The following ESR2 variants were observed in gnomAD, a reference collection of about 807,000 sequenced individuals.
ESR2 encodes the protein estrogen receptor 2.
A neutral mutation model predicts 49.6 loss-of-function variants in ESR2; 36 were observed. The observed-to-expected ratio is 0.73, with a 90% CI of 0.56 to 0.96. ESR2 has a LOEUF of 0.96. Among genes scored for constraint, ESR2 ranks in the 40% least tolerant of loss-of-function variants. The probability of loss-of-function intolerance (pLI) is 0.00; values close to 1 mark genes in which losing one functional copy is unlikely to be tolerated. For synonymous variants in ESR2, 320 were observed against 266.1 expected (o/e 1.20, Z -1.97); for missense variants, 714 against 693.0 (o/e 1.03, Z -0.34).
chr14:64,239,778 T>C (rs2075681752), intron 7 of ESR2, among the ~76,000 whole-genome samples: 1 of 152,212 alleles, frequency 6.6e-6, no homozygotes, highest in South Asian at 2.1e-4. Flanking sequence ...CTAAGTATGA[T>C]ACAGGAATTC....
intron 7 of ESR2, among the ~76,000 whole-genome samples, chr14:64,241,019 G>A (rs988904230): frequency 6.6e-5 from 10 of 151,850 alleles, no homozygotes; most frequent in South Asian, 2.1e-4. Context: ...GATGGTGGGC[G>A]CCTGTAGTCC....
Position 64,231,771 on chromosome 14 carries a change from C to T in ESR2, c.*1366G>A, listed in dbSNP as rs1165416434. 1 of 152,132 alleles carries T rather than the reference C, an allele frequency of 6.6e-6. No homozygotes were observed. The highest frequency in any genetic ancestry group is 2.4e-5 in the African/African-American group (1 of 41,408). 9.4% of individuals were successfully genotyped at this position (152,132 alleles called of 1,614,324 possible). On this transcript the variant is annotated 3_prime_UTR_variant, in exon 9 of 9. Coordinates refer to ENST00000341099, the MANE Select transcript of ESR2 (RefSeq NM_001437.3). ...ACATGATTATTTAATTGCTGGCTTC[C>T]ATAGTATGCTGTTACTCATTTTACA...
intron 1 of ESR2, among the ~76,000 whole-genome samples, chr14:64,299,975 C>A (rs1269042239): frequency 6.6e-6 from 1 of 152,172 alleles, no homozygotes; most frequent in Non-Finnish European, 1.5e-5. Flanking sequence ...GTTTAGCTAA[C>A]TAGCTTCTTA....
At chr14:64,242,445 A>AAC (rs2075751202) in intron 7 of ESR2, among the ~76,000 whole-genome samples, 1 of 80,552 alleles carries the variant, frequency 1.2e-5, no homozygotes, top group African/African-American at 3.7e-5. Context: ...ACAAACAAAC[A>AAC]AAAAAAATAT....
intron 1 of ESR2, among the ~76,000 whole-genome samples, chr14:64,322,254 T>G (rs1402976403): frequency 6.6e-6 from 1 of 152,144 alleles, no homozygotes; most frequent in Non-Finnish European, 1.5e-5. Context: ...AGACAGGGTT[T>G]TGCCATCTTG....
At chr14:64,284,692 C>T (rs1228446443) in intron 1 of ESR2, among the ~76,000 whole-genome samples, 1 of 152,130 alleles carries the variant, frequency 6.6e-6, no homozygotes, top group Non-Finnish European at 1.5e-5. Flanking sequence ...CACTCATTTC[C>T]TATTTGTGTT....
At chr14:64,236,352 T>C (rs1471638311) in intron 7 of ESR2, among the ~76,000 whole-genome samples, 1 of 151,972 alleles carries the variant, frequency 6.6e-6, no homozygotes, top group Non-Finnish European at 1.5e-5. Flanking sequence ...TCTTCCAGAA[T>C]CCCCCCACAG....
At chr14:64,274,478 C>T (rs539842519) in intron 3 of ESR2, among the ~76,000 whole-genome samples, 10 of 151,726 alleles carry the variant, frequency 6.6e-5, no homozygotes, top group South Asian at 2.1e-4. Flanking sequence ...TGATTTTATT[C>T]GACTCTTCTA....
intron 3 of ESR2, among the ~76,000 whole-genome samples, chr14:64,274,036 C>G (rs1051570176): frequency 5.9e-5 from 9 of 151,300 alleles, no homozygotes; most frequent in African/African-American, 2.2e-4. Context: ...ACTTCCCGGT[C>G]CCAAGCTATC....
rs150379331 is a variant in ESR2, at chr14:64,325,504, G to A, written c.-91+12394C>T. 5.6e-3 allele frequency among the ~76,000 whole-genome samples: 858 copies of A among 152,290 alleles called. 10 individuals carry two copies. Among genetic ancestry groups the A allele is most frequent in the African/African-American group, 0.02 (830 of 41,568 alleles). ...TAGGATGTGATGTGAGAGATATAGT[G>A]AGAAAAGTTAAGAAAATGAAGGTGT... On this transcript the variant is annotated intron_variant, in intron 1 of 8. Coordinates refer to the ESR2 transcript ENST00000358599.
intron 1 of ESR2, among the ~76,000 whole-genome samples, chr14:64,292,483 A>AT (rs532001863): frequency 3.9e-5 from 6 of 152,268 alleles, no homozygotes; most frequent in Admixed American, 1.3e-4. Context: ...CTGTAGCCTA[A>AT]TTTTTTTAAA....
chr14:64,261,024 G>A (rs1363010193), intron 4 of ESR2, among the ~76,000 whole-genome samples: 2 of 151,678 alleles, frequency 1.3e-5, no homozygotes, highest in Non-Finnish European at 2.9e-5. Context: ...AGAAAAATGG[G>A]GATATTTCCA....
At chr14:64,283,791 C>CAA (rs1490892529) in intron 1 of ESR2, among the ~76,000 whole-genome samples, 2 of 61,518 alleles carry the variant, frequency 3.3e-5, no homozygotes, top group Non-Finnish European at 5.6e-5. Flanking sequence ...TTACCATTTC[C>CAA]GAAAAAAGTT....
chr14:64,325,980 A>T (rs2077384922), intron 1 of ESR2, among the ~76,000 whole-genome samples: 1 of 144,150 alleles, frequency 6.9e-6, no homozygotes, highest in Non-Finnish European at 1.5e-5. Context: ...TTATACACAG[A>T]TTTTTTTTTT....
At chr14:64,305,249 C>T (rs1596477213) in intron 1 of ESR2, among the ~76,000 whole-genome samples, 3 of 146,084 alleles carry the variant, frequency 2.1e-5, no homozygotes, top group Admixed American at 1.4e-4. Context: ...CGAGATCGTG[C>T]CACTGCACTC....
chr14:64,274,113 A>ATTT (rs61539406), intron 3 of ESR2, among the ~76,000 whole-genome samples: 2 of 141,898 alleles, frequency 1.4e-5, no homozygotes, highest in Admixed American at 7.1e-5. Flanking sequence ...CTAATTTGTA[A>ATTT]TTTTTTTTTT....
chr14:64,277,392 G>A (rs921137299), intron 3 of ESR2, among the ~76,000 whole-genome samples: 14 of 152,068 alleles, frequency 9.2e-5, no homozygotes, highest in African/African-American at 3.4e-4. Context: ...TTGGGAGGCC[G>A]AGGCGGGCGG....
chr14:64,242,451 A>AATATAT (rs1264924992), intron 7 of ESR2, among the ~76,000 whole-genome samples: 1 of 126,622 alleles, frequency 7.9e-6, no homozygotes, highest in African/African-American at 2.8e-5. Context: ...AAACAAAAAA[A>AATATAT]ATATATATAT....
chr14:64,258,579 A>G (rs1339088912), intron 5 of ESR2, among the ~76,000 whole-genome samples: 2 of 152,216 alleles, frequency 1.3e-5, no homozygotes. Context: ...ATCTCTTATC[A>G]TTCTTGTTTT....
Sources: allele counts gnomAD v4.1 joint callset (sites outside exome capture counted in the v4.1 genomes callset), GRCh38; gene constraint gnomAD v4.1.1; transcripts MANE v1.5; gene names NCBI Gene and HGNC (gene_info 2026-07-23, HGNC 2026-07-21).